The following LRRC3B variants were observed in gnomAD, a reference collection of about 807,000 sequenced individuals.
LRRC3B encodes the protein leucine rich repeat containing 3B.
A neutral mutation model predicts 12.8 loss-of-function variants in LRRC3B; 2 were observed. That is an observed-to-expected ratio of 0.16 (90% CI 0.06 to 0.49). The LOEUF (loss-of-function observed/expected upper bound fraction) is 0.49. Among genes scored for constraint, LRRC3B ranks in the 20% least tolerant of loss-of-function variants. The probability of loss-of-function intolerance (pLI) is 0.96; values close to 1 mark genes in which losing one functional copy is unlikely to be tolerated. For synonymous variants in LRRC3B, 132 were observed against 122.0 expected (o/e 1.08, Z -0.54); for missense variants, 189 against 319.4 (o/e 0.59, Z 3.11).
At chr3:26,684,720 G>T (rs917804377) in intron 1 of LRRC3B, among the ~76,000 whole-genome samples, 1 of 152,114 alleles carries the variant, frequency 6.6e-6, no homozygotes, top group Non-Finnish European at 1.5e-5. Context: ...ACCTCTCAAA[G>T]GTATCACCTC....
chr3:26,696,608 G>A (rs1286358715), intron 1 of LRRC3B, among the ~76,000 whole-genome samples: 1 of 152,148 alleles, frequency 6.6e-6, no homozygotes, highest in Non-Finnish European at 1.5e-5. Flanking sequence ...CACTAGCTTT[G>A]CTTTTCACTG....
chr3:26,683,738 AAGAC>A (rs1461852472), intron 1 of LRRC3B, among the ~76,000 whole-genome samples: 3 of 152,236 alleles, frequency 2.0e-5, no homozygotes, highest in African/African-American at 7.2e-5. Flanking sequence ...CTTCTGGCCT[AAGAC>A]AGCAGCCTTG....
intron 1 of LRRC3B, among the ~76,000 whole-genome samples, chr3:26,684,767 T>C (rs1385079933): frequency 2.0e-5 from 3 of 152,128 alleles, no homozygotes; most frequent in Non-Finnish European, 4.4e-5. Flanking sequence ...TCAACACGTG[T>C]TTTGGAGGGG....
At chr3:26,626,942 A>C (rs1311279285) in intron 1 of LRRC3B, among the ~76,000 whole-genome samples, 2 of 152,242 alleles carry the variant, frequency 1.3e-5, no homozygotes, top group Admixed American at 6.5e-5. Flanking sequence ...TATCACAGGA[A>C]ACATTCTTTT....
intron 1 of LRRC3B, among the ~76,000 whole-genome samples, chr3:26,649,649 C>G (rs972362417): frequency 2.0e-5 from 3 of 152,150 alleles, no homozygotes; most frequent in Non-Finnish European, 4.4e-5. Context: ...TTCTCCTTCT[C>G]CCTCTACCTC....
intron 1 of LRRC3B, among the ~76,000 whole-genome samples, chr3:26,679,967 A>G (rs1246605081): frequency 6.6e-6 from 1 of 152,208 alleles, no homozygotes; most frequent in Non-Finnish European, 1.5e-5. Context: ...CCACTACCCC[A>G]TCCTCTACAG....
chr3:26,680,464 G>T (rs151242225), intron 1 of LRRC3B, among the ~76,000 whole-genome samples: 1 of 152,314 alleles, frequency 6.6e-6, no homozygotes, highest in African/African-American at 2.4e-5. Context: ...AGCAAAGAAA[G>T]ACTGTAAATT....
chr3:26,644,009 G>T (rs538158434), intron 1 of LRRC3B, among the ~76,000 whole-genome samples: 12 of 152,236 alleles, frequency 7.9e-5, no homozygotes, highest in Non-Finnish European at 1.6e-4. Context: ...ATACCACTGC[G>T]GTGTGAAAGG....
At chr3:26,630,753 T>G (rs1347569898) in intron 1 of LRRC3B, among the ~76,000 whole-genome samples, 1 of 152,186 alleles carries the variant, frequency 6.6e-6, no homozygotes, top group Non-Finnish European at 1.5e-5. Flanking sequence ...ATTCTATTGG[T>G]GGATGCCTTG....
At chr3:26,656,933 A>G (rs1284013969) in intron 1 of LRRC3B, among the ~76,000 whole-genome samples, 1 of 152,212 alleles carries the variant, frequency 6.6e-6, no homozygotes, top group Non-Finnish European at 1.5e-5. Context: ...CCAAGTTCAG[A>G]TTCTTTTTTC....
intron 1 of LRRC3B, among the ~76,000 whole-genome samples, chr3:26,645,262 C>G (rs938741685): frequency 3.3e-5 from 5 of 152,086 alleles, no homozygotes; most frequent in Admixed American, 1.3e-4. Context: ...ATTTTTTGAG[C>G]CTACTAAAGA....
At chr3:26,698,893 T>C (rs879567622) in intron 1 of LRRC3B, among the ~76,000 whole-genome samples, 1 of 152,110 alleles carries the variant, frequency 6.6e-6, no homozygotes, top group Admixed American at 6.6e-5. Flanking sequence ...CAGTATACAT[T>C]CAAATTTCCC....
At chr3:26,668,350 G>A (rs900550328) in intron 1 of LRRC3B, among the ~76,000 whole-genome samples, 1 of 152,090 alleles carries the variant, frequency 6.6e-6, no homozygotes, top group African/African-American at 2.4e-5. Flanking sequence ...AGTGGTGCAG[G>A]ATCAGAAAGA....
intron 1 of LRRC3B, among the ~76,000 whole-genome samples, chr3:26,679,044 C>A (rs1174497006): frequency 6.6e-6 from 1 of 152,190 alleles, no homozygotes; most frequent in Non-Finnish European, 1.5e-5. Context: ...ATGAATAAGA[C>A]AGCATAGGAT....
At chr3:26,670,209 C>G (rs865940028) in intron 1 of LRRC3B, among the ~76,000 whole-genome samples, 8 of 152,176 alleles carry the variant, frequency 5.3e-5, no homozygotes, top group African/African-American at 1.9e-4. Flanking sequence ...GGTAGATGCT[C>G]AGTTTCAAAG....
At chr3:26,642,966 G>A (rs560842638) in intron 1 of LRRC3B, among the ~76,000 whole-genome samples, 6 of 149,108 alleles carry the variant, frequency 4.0e-5, no homozygotes, top group South Asian at 4.3e-4. Flanking sequence ...GCAGAGAGCC[G>A]AGATCACACC....
chr3:26,631,213 C>T (rs573963861), intron 1 of LRRC3B, among the ~76,000 whole-genome samples: 27 of 152,272 alleles, frequency 1.8e-4, no homozygotes, highest in African/African-American at 5.5e-4. Context: ...GATGAACATT[C>T]GCTTGTGTTT....
chr3:26,642,511 G>A (rs1249496663), intron 1 of LRRC3B, among the ~76,000 whole-genome samples: 1 of 152,166 alleles, frequency 6.6e-6, no homozygotes, highest in East Asian at 1.9e-4. Context: ...TGTGGGGATG[G>A]CGGAGAGAGC....
At chr3:26,656,993 A>C (rs531856363) in intron 1 of LRRC3B, among the ~76,000 whole-genome samples, 2 of 152,270 alleles carry the variant, frequency 1.3e-5, no homozygotes, top group African/African-American at 4.8e-5. Flanking sequence ...AGATGCAAAA[A>C]CTTTTTCTAT....
Sources: allele counts gnomAD v4.1 joint callset (sites outside exome capture counted in the v4.1 genomes callset), GRCh38; gene constraint gnomAD v4.1.1; transcripts MANE v1.5; gene names NCBI Gene and HGNC (gene_info 2026-07-23, HGNC 2026-07-21).